The following CCDC6 variants were observed in gnomAD, a reference collection of about 807,000 sequenced individuals.
The protein encoded by CCDC6 is coiled-coil domain containing 6.
CCDC6 carries 20 observed loss-of-function variants against 56.6 expected under a neutral mutation model. The ratio of observed to expected loss-of-function variants is 0.35; its 90% confidence interval spans 0.25 to 0.51. The LOEUF is 0.51. Among genes scored for constraint, CCDC6 ranks in the 20% least tolerant of loss-of-function variants. The pLI is 0.95. For synonymous variants in CCDC6, 241 were observed against 234.4 expected (o/e 1.03, Z -0.26); for missense variants, 367 against 601.1 (o/e 0.61, Z 4.07).
chr10:59,902,488 G>A (rs1564761515), intron 1 of CCDC6, among the ~76,000 whole-genome samples: 3 of 148,360 alleles, frequency 2.0e-5, no homozygotes. Context: ...CCACCTCCTG[G>A]GTTCACGCCA....
At chr10:59,802,278 T>C (rs568494282) in intron 7 of CCDC6, among the ~76,000 whole-genome samples, 12 of 152,198 alleles carry the variant, frequency 7.9e-5, no homozygotes, top group Non-Finnish European at 1.8e-4. Context: ...GTTAGTGAAG[T>C]TAGTGAAAAC....
intron 1 of CCDC6, among the ~76,000 whole-genome samples, chr10:59,854,719 G>A (rs993105757): frequency 1.3e-5 from 2 of 152,102 alleles, no homozygotes; most frequent in African/African-American, 4.8e-5. Flanking sequence ...CAAACTTCAG[G>A]ATTTCACGCT....
intron 1 of CCDC6, among the ~76,000 whole-genome samples, chr10:59,857,451 A>G (rs1469873048): frequency 1.3e-5 from 2 of 152,220 alleles, no homozygotes. Flanking sequence ...AAGGGTTAGT[A>G]CAGAAAGAAT....
At position 59,791,090 on chromosome 10, in the gene CCDC6, G is replaced by A. The variant is rs1024629519; in HGVS notation, c.*1827C>T. 9 of 208,034 alleles carry A rather than the reference G, an allele frequency of 4.3e-5. No individual in the cohort carries two copies. The Admixed American group carries it at 4.7e-4, about 11-fold the overall frequency. 12.9% of individuals were successfully genotyped at this position (208,034 alleles called of 1,614,324 possible). On this transcript the variant is annotated 3_prime_UTR_variant, in exon 9 of 9. Transcript: ENST00000263102. ...TGAGTGAACTGTTGGTGAAAATTCC[G>A]GGTTTGACATGGCCCAGTCTGATCA...
chr10:59,837,772 AAAG>A (rs1354767562), intron 2 of CCDC6, among the ~76,000 whole-genome samples: 12 of 145,398 alleles, frequency 8.3e-5, no homozygotes, highest in South Asian at 4.5e-4. Flanking sequence ...AAAAAAAAAG[AAAG>A]AAGAAGAAGC....
chr10:59,895,146 A>G (rs549783287), intron 1 of CCDC6, among the ~76,000 whole-genome samples: 2 of 152,216 alleles, frequency 1.3e-5, no homozygotes, highest in Non-Finnish European at 2.9e-5. Context: ...AAAAATAATA[A>G]TAATAGTGAC....
At chr10:59,796,540 C>T (rs1024945173) in intron 7 of CCDC6, among the ~76,000 whole-genome samples, 3 of 152,066 alleles carry the variant, frequency 2.0e-5, no homozygotes, top group African/African-American at 4.8e-5. Context: ...TATGAAAATG[C>T]CTCAAAAGAT....
intron 1 of CCDC6, among the ~76,000 whole-genome samples, chr10:59,886,771 T>C (rs2071385976): frequency 6.6e-6 from 1 of 151,674 alleles, no homozygotes; most frequent in Non-Finnish European, 1.5e-5. Flanking sequence ...ACATATAGAG[T>C]TCTAAGAAAA....
chr10:59,793,271 T>C (rs1276281060), intron 8 of CCDC6, among the ~76,000 whole-genome samples, 160 bp from the exon 9 acceptor site: 2 of 152,158 alleles, frequency 1.3e-5, no homozygotes, highest in African/African-American at 4.8e-5. Context: ...GAACTAGTAA[T>C]AAAATTTAAA....
intron 2 of CCDC6, among the ~76,000 whole-genome samples, chr10:59,834,469 C>T (rs2070863362): frequency 6.6e-6 from 1 of 151,802 alleles, no homozygotes; most frequent in South Asian, 2.1e-4. Context: ...TCCCTTGAAC[C>T]CAGGAGGCAG....
At chr10:59,865,852 C>CAAAAAAAAAAAAAAAAAAAAAAA (rs777021321) in intron 1 of CCDC6, among the ~76,000 whole-genome samples, 4 of 57,036 alleles carry the variant, frequency 7.0e-5, no homozygotes, top group African/African-American at 2.9e-4. Context: ...TCCATCTCCA[C>CAAAAAAAAAAAAAAAAAAAAAAA]AAAAAAAAAA....
At chr10:59,800,808 C>T (rs2070568863) in intron 7 of CCDC6, among the ~76,000 whole-genome samples, 2 of 152,044 alleles carry the variant, frequency 1.3e-5, no homozygotes, top group Non-Finnish European at 2.9e-5. Flanking sequence ...AAACCACAAA[C>T]ACCAGCTTAC....
At chr10:59,846,384 T>C (rs1245675735) in intron 2 of CCDC6, among the ~76,000 whole-genome samples, 1 of 152,228 alleles carries the variant, frequency 6.6e-6, no homozygotes, top group Non-Finnish European at 1.5e-5. Context: ...TGCTCAGCTA[T>C]AAATCATTTG....
chr10:59,893,264 T>C (rs2071437502), intron 1 of CCDC6, among the ~76,000 whole-genome samples: 1 of 152,146 alleles, frequency 6.6e-6, no homozygotes, highest in South Asian at 2.1e-4. Context: ...ATTGCATGTA[T>C]CCTAAGCAGG....
intron 1 of CCDC6, among the ~76,000 whole-genome samples, chr10:59,887,666 A>T (rs2071392928): frequency 6.6e-6 from 1 of 152,162 alleles, no homozygotes; most frequent in Non-Finnish European, 1.5e-5. Flanking sequence ...CATTATTTCA[A>T]ATCTCAGAAG....
chr10:59,876,088 T>TTTTTTTTTTTTC, intron 1 of CCDC6, among the ~76,000 whole-genome samples: 1 of 142,478 alleles, frequency 7.0e-6, no homozygotes, highest in African/African-American at 2.7e-5. Context: ...TTTTTTTTTT[T>TTTTTTTTTTTTC]TTTCAGATCG....
chr10:59,863,956 T>C (rs1486230801), intron 1 of CCDC6, among the ~76,000 whole-genome samples: 1 of 152,232 alleles, frequency 6.6e-6, no homozygotes, highest in Non-Finnish European at 1.5e-5. Context: ...ATCTCTAATA[T>C]AGTTACAGGC....
chr10:59,831,159 C>T lies in CCDC6; in HGVS notation c.582+1366G>A, dbSNP rs117864160. 4.8e-3 allele frequency among the ~76,000 whole-genome samples: 724 copies of T among 152,232 alleles called. 10 individuals carry two copies. Among genetic ancestry groups the T allele is most frequent in the Non-Finnish European group, 5.3e-3 (359 of 68,012 alleles). On this transcript the variant is annotated intron_variant, in intron 3 of 8. Transcript: ENST00000263102. ...GTTTTTAAACTGGTAGGGCACGGGG[C>T]ATGGTGTCTGGTTAACTTAGACACT... is the stretch of plus-strand genomic sequence containing the variant.
chr10:59,867,135 C>A (rs950746152), intron 1 of CCDC6, among the ~76,000 whole-genome samples: 13 of 152,146 alleles, frequency 8.5e-5, no homozygotes, highest in Non-Finnish European at 1.6e-4. Flanking sequence ...CCCAGAATGA[C>A]CCATATGGCA....
Sources: allele counts gnomAD v4.1 joint callset (sites outside exome capture counted in the v4.1 genomes callset), GRCh38; gene constraint gnomAD v4.1.1; transcripts MANE v1.5; gene names NCBI Gene and HGNC (gene_info 2026-07-23, HGNC 2026-07-21).